Variants in SLIT3 observed in about 807,000 individuals in gnomAD.
SLIT3 encodes slit guidance ligand 3.
A neutral mutation model predicts 184.0 loss-of-function variants in SLIT3; 68 were observed. The observed-to-expected ratio is 0.37, with a 90% CI of 0.30 to 0.45. The LOEUF is 0.45. Ranked by LOEUF, SLIT3 falls within the 20% of genes least tolerant of loss-of-function variation. SLIT3 has a pLI of 1.00. For synonymous variants in SLIT3, 831 were observed against 828.6 expected (o/e 1.00, Z -0.05); for missense variants, 1,707 against 2,026.0 (o/e 0.84, Z 3.02).
chr5:169,062,951 C>G (rs1581366219), intron 4 of SLIT3, among the ~76,000 whole-genome samples: 1 of 152,202 alleles, frequency 6.6e-6, no homozygotes, highest in East Asian at 1.9e-4. Flanking sequence ...TGTGTATAAA[C>G]CTGTTCAAAA....
At chr5:168,688,074 G>C (rs1761800767) in intron 29 of SLIT3, among the ~76,000 whole-genome samples, 1 of 152,184 alleles carries the variant, frequency 6.6e-6, no homozygotes, top group Admixed American at 6.5e-5. Flanking sequence ...CCTCTGTCTG[G>C]GGCAACATTC....
intron 4 of SLIT3, among the ~76,000 whole-genome samples, chr5:169,116,390 A>G (rs295981): frequency 0.12 from 18,792 of 152,014 alleles, 2,229 homozygotes; most frequent in African/African-American, 0.31. Context: ...TCAGGATACA[A>G]TGTTAGGACT....
At chr5:168,961,444 G>A (rs1208114286) in intron 4 of SLIT3, among the ~76,000 whole-genome samples, 1 of 152,136 alleles carries the variant, frequency 6.6e-6, no homozygotes, top group Non-Finnish European at 1.5e-5. Flanking sequence ...GGTGAGAGTG[G>A]GAGGTGAGAG....
chr5:168,823,515 T>C (rs1437845800), intron 6 of SLIT3, among the ~76,000 whole-genome samples, 184 bp from the exon 7 acceptor site: 1 of 152,122 alleles, frequency 6.6e-6, no homozygotes, highest in East Asian at 1.9e-4. Context: ...ATGCCCTGAC[T>C]TTTTTATTCA....
intron 26 of SLIT3, chr5:168,706,775 G>A (rs998635224): frequency 3.3e-5 from 5 of 152,198 alleles, no homozygotes; most frequent in African/African-American, 9.7e-5. Context: ...CCATCTGCTA[G>A]AAGCACAGCC....
intron 32 of SLIT3, among the ~76,000 whole-genome samples, chr5:168,683,028 T>C (rs1488757512): frequency 6.6e-6 from 1 of 152,154 alleles, no homozygotes; most frequent in African/African-American, 2.4e-5. Context: ...AACATATCTG[T>C]GATTCCCCAG....
intron 4 of SLIT3, among the ~76,000 whole-genome samples, chr5:169,027,722 G>C (rs1228528348): frequency 6.6e-6 from 1 of 152,170 alleles, no homozygotes; most frequent in Non-Finnish European, 1.5e-5. Flanking sequence ...GGCCGCAGCG[G>C]TTCTGCTTTT....
chr5:169,219,597 T>G (rs1032093302), intron 3 of SLIT3, among the ~76,000 whole-genome samples: 5 of 150,164 alleles, frequency 3.3e-5, no homozygotes, highest in African/African-American at 4.9e-5. Flanking sequence ...GTGGCAGGGG[T>G]GGGCCCTGCT....
intron 4 of SLIT3, among the ~76,000 whole-genome samples, chr5:168,939,214 A>G (rs1762258131): frequency 6.6e-6 from 1 of 152,200 alleles, no homozygotes; most frequent in South Asian, 2.1e-4. Flanking sequence ...CAGCGCTATG[A>G]TTGATGAGGA....
intron 3 of SLIT3, among the ~76,000 whole-genome samples, chr5:169,214,460 G>A (rs940364783): frequency 6.6e-6 from 1 of 152,224 alleles, no homozygotes; most frequent in Non-Finnish European, 1.5e-5. Context: ...ACCAAGGCTT[G>A]TCTGGGAAAC....
At chr5:168,962,775 T>C (rs1307009604) in intron 4 of SLIT3, among the ~76,000 whole-genome samples, 1 of 93,590 alleles carries the variant, frequency 1.1e-5, no homozygotes, top group East Asian at 3.0e-4. Flanking sequence ...TGGCTGCCTT[T>C]TAGCTCTTAG....
At chr5:169,288,343 T>C (rs1767227067) in intron 1 of SLIT3, among the ~76,000 whole-genome samples, 1 of 97,750 alleles carries the variant, frequency 1.0e-5, no homozygotes, top group African/African-American at 3.8e-5. Flanking sequence ...CAGATTAATA[T>C]TTCCCCCTTG....
chr5:169,209,886 G>A (rs1764202516), intron 3 of SLIT3, among the ~76,000 whole-genome samples: 1 of 152,062 alleles, frequency 6.6e-6, no homozygotes. Context: ...TATGGCACAC[G>A]TATACCTATG....
In SLIT3 at chr5:168,806,429, C is replaced by T. The variant is rs1756959705; in HGVS notation, c.935+17G>A. On this transcript the variant is annotated intron_variant, in intron 9 of 35. Coordinates refer to ENST00000519560, the MANE Select transcript of SLIT3 (RefSeq NM_003062.4). ...CTCCGGCGACAGTTGTTGGGGGTGT[C>T]AGACAGGTGCACTTACATTTCGACG... 6.2e-7 allele frequency: 1 copy of T among 1,614,030 alleles called. No individual in the cohort carries two copies. The highest frequency in any genetic ancestry group is 1.3e-5 in the African/African-American group (1 of 75,060).
At chr5:168,761,435 G>A (rs571266572) in intron 15 of SLIT3, among the ~76,000 whole-genome samples, 1 of 152,214 alleles carries the variant, frequency 6.6e-6, no homozygotes, top group African/African-American at 2.4e-5. Flanking sequence ...TGAAATTAGA[G>A]AGGACAACAA....
chr5:169,115,900 C>T (rs990393179), intron 4 of SLIT3, among the ~76,000 whole-genome samples: 3 of 152,188 alleles, frequency 2.0e-5, no homozygotes, highest in African/African-American at 7.2e-5. Flanking sequence ...AAGGGCCACC[C>T]AGCATATCAG....
At chr5:168,802,822 C>G (rs62378494) in intron 9 of SLIT3, among the ~76,000 whole-genome samples, 1,666 of 152,306 alleles carry the variant, frequency 0.011, 20 homozygotes, top group Non-Finnish European at 0.017. Flanking sequence ...ACGGACCAGA[C>G]ACAATGCTAA....
chr5:169,162,935 A>G (rs1235693819), intron 4 of SLIT3, among the ~76,000 whole-genome samples: 1 of 152,178 alleles, frequency 6.6e-6, no homozygotes, highest in Non-Finnish European at 1.5e-5. Context: ...TAAGGGAGAA[A>G]GACCTGCAGA....
intron 4 of SLIT3, among the ~76,000 whole-genome samples, chr5:169,082,401 G>A (rs1224368156): frequency 6.6e-6 from 1 of 152,154 alleles, no homozygotes; most frequent in Non-Finnish European, 1.5e-5. Flanking sequence ...TTTAAAATAT[G>A]CCTTACTTAC....
Sources: allele counts gnomAD v4.1 joint callset (sites outside exome capture counted in the v4.1 genomes callset), GRCh38; gene constraint gnomAD v4.1.1; transcripts MANE v1.5; gene names NCBI Gene and HGNC (gene_info 2026-07-23, HGNC 2026-07-21).